NEO1: variants seen among roughly 807,000 people sequenced by gnomAD.
NEO1 encodes neogenin.
A neutral mutation model predicts 159.7 loss-of-function variants in NEO1; 63 were observed. That is an observed-to-expected ratio of 0.39 (90% CI 0.32 to 0.49). The LOEUF (loss-of-function observed/expected upper bound fraction) is 0.49, where lower values mean the gene tolerates loss of function less well. NEO1 is among the 20% of genes least tolerant of loss of function. The pLI is 0.85. For missense variants in NEO1, 1,615 were observed against 1,831.0 expected (o/e 0.88, Z 2.15); for synonymous variants, 633 against 662.0 (o/e 0.96, Z 0.67).
chr15:73,276,944 G>T (rs555181034), intron 21 of NEO1, among the ~76,000 whole-genome samples: 1 of 152,276 alleles, frequency 6.6e-6, no homozygotes, highest in Admixed American at 6.5e-5. Flanking sequence ...TGTAATAGGA[G>T]TGGTTAACAT....
chr15:73,229,928 G>A (rs2038809610), intron 7 of NEO1, among the ~76,000 whole-genome samples: 1 of 152,066 alleles, frequency 6.6e-6, no homozygotes, highest in Non-Finnish European at 1.5e-5. Flanking sequence ...ACCAAATGTG[G>A]CTTGCTAACA....
intron 7 of NEO1, among the ~76,000 whole-genome samples, chr15:73,184,789 G>A (rs952233646): frequency 7.2e-5 from 11 of 152,054 alleles, no homozygotes; most frequent in Admixed American, 1.3e-4. Flanking sequence ...TTAGCTGGGC[G>A]TAGTGGTGCA....
intron 21 of NEO1, among the ~76,000 whole-genome samples, chr15:73,277,086 C>A (rs1408456642): frequency 6.6e-6 from 1 of 152,098 alleles, no homozygotes; most frequent in Non-Finnish European, 1.5e-5. Flanking sequence ...AAAACTGAGG[C>A]CCAAAAAGAA....
chr15:73,198,114 A>C (rs1434300237), intron 7 of NEO1, among the ~76,000 whole-genome samples: 1 of 151,688 alleles, frequency 6.6e-6, no homozygotes, highest in African/African-American at 2.4e-5. Flanking sequence ...TGCCATCTTG[A>C]TTTTTTCTTT....
chr15:73,254,083 C>T (rs899335094), intron 12 of NEO1, among the ~76,000 whole-genome samples: 1 of 152,018 alleles, frequency 6.6e-6, no homozygotes, highest in East Asian at 1.9e-4. Context: ...CCCAGCTGCT[C>T]GGAGGCTGAG....
At chr15:73,225,612 G>A (rs1349161641) in intron 7 of NEO1, among the ~76,000 whole-genome samples, 4 of 152,044 alleles carry the variant, frequency 2.6e-5, no homozygotes, top group Non-Finnish European at 5.9e-5. Context: ...CAGCTCCCAC[G>A]CAAACCAAAG....
intron 1 of NEO1, among the ~76,000 whole-genome samples, chr15:73,071,944 T>C (rs1410423880): frequency 6.6e-6 from 1 of 151,696 alleles, no homozygotes; most frequent in African/African-American, 2.4e-5. Flanking sequence ...TAATTTTGTT[T>C]GTTTGTTTGT....
intron 22 of NEO1, 96 bp from the exon 23 acceptor site, chr15:73,282,868 A>G: frequency 9.9e-6 from 14 of 1,412,514 alleles, no homozygotes; most frequent in South Asian, 1.3e-5. Context: ...AGTGTTATCA[A>G]GAAGTTCACG....
intron 15 of NEO1, among the ~76,000 whole-genome samples, chr15:73,265,276 G>A (rs575727514): frequency 1.3e-5 from 2 of 152,288 alleles, no homozygotes; most frequent in South Asian, 4.1e-4. Context: ...TTGAGCAGCA[G>A]GGTTGGTGGT....
intron 8 of NEO1, among the ~76,000 whole-genome samples, chr15:73,238,918 G>A (rs1025369699): frequency 6.6e-6 from 1 of 152,056 alleles, no homozygotes; most frequent in Non-Finnish European, 1.5e-5. Flanking sequence ...GCACTATATT[G>A]GCTCACTGCA....
intron 1 of NEO1, among the ~76,000 whole-genome samples, chr15:73,086,334 A>T (rs1287609893): frequency 6.6e-6 from 1 of 152,102 alleles, no homozygotes; most frequent in Non-Finnish European, 1.5e-5. Context: ...CTGTAGCTTT[A>T]TAGTAAGTTT....
chr15:73,163,100 G>C (rs969794303), intron 5 of NEO1, among the ~76,000 whole-genome samples: 9 of 151,850 alleles, frequency 5.9e-5, no homozygotes, highest in Admixed American at 1.3e-4. Context: ...TTACTTGTTA[G>C]GTACGTATCT....
chr15:73,264,067 G>A (rs1234643440), intron 15 of NEO1, among the ~76,000 whole-genome samples: 2 of 151,934 alleles, frequency 1.3e-5, no homozygotes, highest in Non-Finnish European at 2.9e-5. Context: ...TGTGCTTCTA[G>A]TCCCAGCTAC....
intron 5 of NEO1, among the ~76,000 whole-genome samples, chr15:73,143,085 GCATT>G (rs372275900): frequency 2.6e-5 from 4 of 152,318 alleles, no homozygotes; most frequent in African/African-American, 9.6e-5. Flanking sequence ...GTGACAGAAC[GCATT>G]CAGTCAGGGT....
intron 1 of NEO1, among the ~76,000 whole-genome samples, chr15:73,067,257 T>A (rs2068266755): frequency 6.6e-6 from 1 of 152,196 alleles, no homozygotes; most frequent in African/African-American, 2.4e-5. Context: ...ATTTCTGCAG[T>A]TGGGAATTCT....
intron 7 of NEO1, among the ~76,000 whole-genome samples, chr15:73,213,913 G>A (rs935798441): frequency 5.3e-5 from 8 of 152,040 alleles, no homozygotes; most frequent in African/African-American, 9.7e-5. Flanking sequence ...CCTGTTCACC[G>A]CATCCATGAC....
Position 73,206,841 on chromosome 15 carries a change from G to A in NEO1, c.1291+28414G>A, listed in dbSNP as rs942290486. Among the ~76,000 whole-genome samples, 187 of 151,694 alleles carry A rather than the reference G, an allele frequency of 1.2e-3. 1 individual carries two copies. The highest frequency in any genetic ancestry group is 4.1e-3 in the African/African-American group (169 of 41,348). ...CTTTTTCGTGTGTGTGTGTATGTGTGTGTGTGCGTGTGTGTGTGTGTGTGT... is the reference window on the plus strand; with the variant it reads ...CTTTTTCGTGTGTGTGTGTATGTGTATGTGTGCGTGTGTGTGTGTGTGTGT... On this transcript the variant is annotated intron_variant, in intron 7 of 28. Coordinates refer to ENST00000261908, the MANE Select transcript of NEO1 (RefSeq NM_002499.4).
chr15:73,136,244 T>A (rs1160760536), intron 5 of NEO1, among the ~76,000 whole-genome samples: 2 of 152,178 alleles, frequency 1.3e-5, no homozygotes, highest in African/African-American at 4.8e-5. Context: ...TTTCCTCAGC[T>A]GTAAAATGGA....
At chr15:73,242,370 TAAAA>T (rs1397826242) in intron 8 of NEO1, among the ~76,000 whole-genome samples, 1 of 152,062 alleles carries the variant, frequency 6.6e-6, no homozygotes, top group Non-Finnish European at 1.5e-5. Context: ...AAAATGTTAT[TAAAA>T]AAATCATAAG....
Sources: allele counts gnomAD v4.1 joint callset (sites outside exome capture counted in the v4.1 genomes callset), GRCh38; gene constraint gnomAD v4.1.1; transcripts MANE v1.5; gene names NCBI Gene and HGNC (gene_info 2026-07-23, HGNC 2026-07-21).